ELAPOR1: variants seen among roughly 807,000 people sequenced by gnomAD.
ELAPOR1 encodes the protein endosome/lysosome-associated apoptosis and autophagy regulator 1.
A neutral mutation model predicts 119.7 loss-of-function variants in ELAPOR1; 77 were observed. The ratio of observed to expected loss-of-function variants is 0.64; its 90% CI spans 0.54 to 0.78. The LOEUF is 0.78. ELAPOR1 is among the 30% of genes least tolerant of loss of function. The pLI, the probability that ELAPOR1 is intolerant of heterozygous loss-of-function variation, is 0.00. For missense variants in ELAPOR1, 1,115 were observed against 1,270.4 expected (o/e 0.88, Z 1.86); for synonymous variants, 481 against 487.2 (o/e 0.99, Z 0.17).
chr1:109,187,565 T>C, intron 8 of ELAPOR1: 1 of 1,001,980 alleles, frequency 1.0e-6, no homozygotes, highest in Non-Finnish European at 1.2e-6. Context: ...ATGGGAAGAA[T>C]GGAGCTGCCC....
chr1:109,190,636 G>A (rs1181244528), intron 11 of ELAPOR1, among the ~76,000 whole-genome samples: 1 of 152,190 alleles, frequency 6.6e-6, no homozygotes, highest in Non-Finnish European at 1.5e-5. Flanking sequence ...GCCTGTGTTT[G>A]CAAGGTGAGC....
intron 7 of ELAPOR1, among the ~76,000 whole-genome samples, chr1:109,180,963 TAAAAA>T (rs1350478139): frequency 6.6e-6 from 1 of 151,582 alleles, no homozygotes; most frequent in African/African-American, 2.4e-5. Flanking sequence ...GCCCTGTCTC[TAAAAA>T]AAAGAAAAGA....
chr1:109,154,363 A>G (rs764771754), intron 1 of ELAPOR1, among the ~76,000 whole-genome samples: 1 of 152,126 alleles, frequency 6.6e-6, no homozygotes, highest in Non-Finnish European at 1.5e-5. Context: ...GTACAAAATA[A>G]TAAGTTCTTG....
intron 7 of ELAPOR1, among the ~76,000 whole-genome samples, chr1:109,180,192 C>G (rs1206460151): frequency 6.6e-6 from 1 of 152,162 alleles, no homozygotes; most frequent in Admixed American, 6.6e-5. Context: ...TGTTATGTTT[C>G]ATATTAGTGA....
At chr1:109,142,575 T>C (rs960555530) in intron 1 of ELAPOR1, among the ~76,000 whole-genome samples, 1 of 152,296 alleles carries the variant, frequency 6.6e-6, no homozygotes, top group African/African-American at 2.4e-5. Flanking sequence ...ACTGTCCTGA[T>C]GGAAAGAGGA....
At chr1:109,116,473 A>G (rs1160719704) in intron 1 of ELAPOR1, among the ~76,000 whole-genome samples, 3 of 152,192 alleles carry the variant, frequency 2.0e-5, no homozygotes, top group Non-Finnish European at 4.4e-5. Context: ...AGGCATGCCC[A>G]TTTGCCACAG....
intron 3 of ELAPOR1, among the ~76,000 whole-genome samples, 159 bp from the exon 4 acceptor site, chr1:109,171,707 T>C (rs1047360501): frequency 1.3e-5 from 2 of 152,204 alleles, no homozygotes; most frequent in African/African-American, 4.8e-5. Flanking sequence ...GAGAGCTTCT[T>C]TTGTCTTTCT....
In ELAPOR1 at chr1:109,173,514, C is replaced by T; in HGVS notation, c.737C>T (p.Thr246Ile). 1.2e-6 allele frequency: 2 copies of T among 1,614,198 alleles called. No individual in the cohort carries two copies. Reference sequence around the variant, plus strand: ...GGCAATAATGTCCTCTATTGGAGAACCACAGCCTTCTCAGTATGGACCAAA... The same window carrying T: ...GGCAATAATGTCCTCTATTGGAGAATCACAGCCTTCTCAGTATGGACCAAA... ...NRGNNVLYWR[T>I]TAFSVWTKVP... Residue 246 changes from threonine (T) to isoleucine (I), a missense_variant, in exon 6 of 22, where the codon ACC (threonine) becomes ATC (isoleucine). By Grantham distance (89) the Thr-to-Ile change is moderately conservative. Coordinates refer to ENST00000369939, the MANE Select transcript of ELAPOR1 (RefSeq NM_020775.5).
chr1:109,191,682 C>T, intron 12 of ELAPOR1, 44 bp from the exon 13 acceptor site: 1 of 1,610,372 alleles, frequency 6.2e-7, no homozygotes, highest in Non-Finnish European at 8.5e-7. Context: ...ACCCACTTCC[C>T]CTCTGGCCAT....
chr1:109,148,247 T>C (rs975265979), intron 1 of ELAPOR1, among the ~76,000 whole-genome samples: 1 of 89,170 alleles, frequency 1.1e-5, no homozygotes, highest in African/African-American at 3.1e-5. Flanking sequence ...CAAGCGATTC[T>C]CCTGCCTCAG....
At chr1:109,119,285 C>T (rs962969772) in intron 1 of ELAPOR1, among the ~76,000 whole-genome samples, 3 of 151,706 alleles carry the variant, frequency 2.0e-5, no homozygotes, top group African/African-American at 7.3e-5. Context: ...CAACCTCCCC[C>T]TCCCAGGCTC....
chr1:109,186,182 AAGG>A (rs1015200697), intron 8 of ELAPOR1, among the ~76,000 whole-genome samples: 16 of 152,006 alleles, frequency 1.1e-4, no homozygotes, highest in African/African-American at 3.9e-4. Context: ...CAGAGACCTG[AAGG>A]AGATGAGGGA....
intron 8 of ELAPOR1, chr1:109,187,372 C>T: frequency 1.0e-6 from 1 of 985,606 alleles, no homozygotes; most frequent in South Asian, 4.7e-5. Flanking sequence ...GCCCAGGGCT[C>T]CCCATCAGTT....
chr1:109,118,770 T>C (rs1029770360), intron 1 of ELAPOR1, among the ~76,000 whole-genome samples: 2 of 152,178 alleles, frequency 1.3e-5, no homozygotes, highest in Admixed American at 1.3e-4. Context: ...GAGTGTTCCC[T>C]GTTCTTAGTT....
At chr1:109,130,020 T>A (rs1649050935) in intron 1 of ELAPOR1, among the ~76,000 whole-genome samples, 1 of 152,116 alleles carries the variant, frequency 6.6e-6, no homozygotes, top group African/African-American at 2.4e-5. Context: ...TTGCCAGCAA[T>A]CCTTGGCCTT....
intron 1 of ELAPOR1, among the ~76,000 whole-genome samples, chr1:109,132,804 G>T (rs765714366): frequency 3.9e-5 from 6 of 152,164 alleles, no homozygotes; most frequent in Non-Finnish European, 7.3e-5. Flanking sequence ...GGAAGGCAAG[G>T]ATCAAACCAT....
At chr1:109,163,938 T>C (rs1269399115) in intron 2 of ELAPOR1, among the ~76,000 whole-genome samples, 1 of 152,004 alleles carries the variant, frequency 6.6e-6, no homozygotes, top group African/African-American at 2.4e-5. Flanking sequence ...ACCAGAGAGC[T>C]CTCAGAATGG....
chr1:109,164,622 G>A lies in ELAPOR1; in HGVS notation c.398G>A (p.Gly133Asp). 1 of 1,614,252 alleles carries A rather than the reference G, an allele frequency of 6.2e-7. No homozygotes were observed. Among genetic ancestry groups the A allele is most frequent in the Non-Finnish European group, 8.5e-7 (1 of 1,180,032 alleles). The change falls in exon 3 of 22, where the codon GGC becomes GAC. Residue 133 changes from glycine (G) to aspartate (D), a missense_variant. Physicochemically the swap from Gly to Asp is moderately conservative, Grantham distance 94. Coordinates refer to ENST00000369939, the MANE Select transcript of ELAPOR1 (RefSeq NM_020775.5). ...RFDEWDELPH[G>D]FASLSANMEL... ...GATGAGTGGGATGAGCTGCCCCATGGCTTTGCCAGCCTCTCAGCCAACATG... is the reference window on the plus strand; with the variant it reads ...GATGAGTGGGATGAGCTGCCCCATGACTTTGCCAGCCTCTCAGCCAACATG...
chr1:109,133,091 A>G (rs149136084), intron 1 of ELAPOR1, among the ~76,000 whole-genome samples: 10 of 152,014 alleles, frequency 6.6e-5, no homozygotes, highest in Non-Finnish European at 1.3e-4. Context: ...TTAACCAGGC[A>G]TGGTGGCTTA....
Sources: allele counts gnomAD v4.1 joint callset (sites outside exome capture counted in the v4.1 genomes callset), GRCh38; gene constraint gnomAD v4.1.1; transcripts MANE v1.5; gene names NCBI Gene and HGNC (gene_info 2026-07-23, HGNC 2026-07-21).